The following IKZF3 variants were observed in gnomAD, a reference collection of about 807,000 sequenced individuals.
IKZF3 encodes the protein zinc finger protein Aiolos.
A neutral mutation model predicts 49.0 loss-of-function variants in IKZF3; 10 were observed. That is an observed-to-expected ratio of 0.20 (90% confidence interval 0.13 to 0.35). The LOEUF (loss-of-function observed/expected upper bound fraction) is 0.35. Among genes scored for constraint, IKZF3 ranks in the 10% least tolerant of loss-of-function variants. The pLI, the probability that IKZF3 is intolerant of heterozygous loss-of-function variation, is 1.00. For synonymous variants in IKZF3, 209 were observed against 228.2 expected, an observed-to-expected ratio of 0.92 and a Z score of 0.76; for missense variants, 498 against 664.8, an observed-to-expected ratio of 0.75 and a Z score of 2.76.
chr17:39,802,106 C>A (rs554413104), intron 3 of IKZF3, among the ~76,000 whole-genome samples: 2 of 151,410 alleles, frequency 1.3e-5, no homozygotes, highest in East Asian at 3.9e-4. Flanking sequence ...CCTGTAGTCC[C>A]AGCTACTCGG....
Position 39,784,018 on chromosome 17 carries a change from G to T in IKZF3, c.709+4240C>A, listed in dbSNP as rs1051686945. 1.2e-3 allele frequency among the ~76,000 whole-genome samples: 177 copies of T among 152,290 alleles called. 1 individual carries two copies. Among genetic ancestry groups the T allele is most frequent in the African/African-American group, 4.2e-3 (173 of 41,572 alleles). ...AACATTTTCTTTGGTCTGCTAAGTT[G>T]GTAAAAATGTAAGTTTATTCTGAAG... On this transcript the variant is annotated intron_variant, in intron 6 of 7. Coordinates refer to ENST00000346872, the MANE Select transcript of IKZF3 (RefSeq NM_012481.5).
intron 3 of IKZF3, among the ~76,000 whole-genome samples, chr17:39,824,949 C>T (rs571196140): frequency 1.3e-5 from 2 of 152,292 alleles, no homozygotes; most frequent in East Asian, 3.9e-4. Flanking sequence ...CCCGCCTCGG[C>T]CTCCCAAAGA....
intron 6 of IKZF3, among the ~76,000 whole-genome samples, chr17:39,779,648 T>TG (rs1555627934): frequency 6.9e-6 from 1 of 145,630 alleles, no homozygotes; most frequent in African/African-American, 2.6e-5. Flanking sequence ...TATTCTTTGT[T>TG]TTTTGTTTTT....
chr17:39,766,576 GGGA>G, intron 7 of IKZF3, 83 bp from the exon 8 acceptor site: 2 of 1,196,990 alleles, frequency 1.7e-6, no homozygotes, highest in Non-Finnish European at 2.3e-6. Flanking sequence ...ACCTCAAAAA[GGGA>G]GGAGAGTTAA....
chr17:39,840,826 G>A (rs547220056), intron 1 of IKZF3, among the ~76,000 whole-genome samples: 1 of 152,250 alleles, frequency 6.6e-6, no homozygotes. Context: ...GTGGGCTGCT[G>A]GAGACCAGCC....
intron 3 of IKZF3, among the ~76,000 whole-genome samples, chr17:39,801,944 T>C (rs940564789): frequency 1.3e-5 from 2 of 152,176 alleles, no homozygotes; most frequent in African/African-American, 4.8e-5. Context: ...GATGAAATAC[T>C]GGCAGGGCGC....
At chr17:39,835,661 C>T (rs540733061) in intron 1 of IKZF3, 15 of 436,648 alleles carry the variant, frequency 3.4e-5, no homozygotes, top group South Asian at 1.6e-4. Context: ...AGCTGTTATG[C>T]GTGGACAGCC....
At chr17:39,853,462 T>C (rs1347225553) in intron 1 of IKZF3, among the ~76,000 whole-genome samples, 1 of 152,144 alleles carries the variant, frequency 6.6e-6, no homozygotes, top group Non-Finnish European at 1.5e-5. Flanking sequence ...ACTGATGCAA[T>C]GTATGCTATC....
intron 6 of IKZF3, among the ~76,000 whole-genome samples, chr17:39,783,850 A>G (rs1188119329): frequency 6.6e-6 from 1 of 151,764 alleles, no homozygotes; most frequent in Non-Finnish European, 1.5e-5. Flanking sequence ...AATTGCTTGA[A>G]CCCAGAAGGC....
intron 3 of IKZF3, among the ~76,000 whole-genome samples, chr17:39,803,637 C>T (rs1000034861): frequency 4.0e-5 from 6 of 151,852 alleles, no homozygotes; most frequent in South Asian, 4.2e-4. Flanking sequence ...CCTCAGCCTC[C>T]GGAGTAGCTG....
intron 1 of IKZF3, among the ~76,000 whole-genome samples, chr17:39,863,409 C>T (rs2063268843): frequency 6.6e-6 from 1 of 151,972 alleles, no homozygotes; most frequent in Non-Finnish European, 1.5e-5. Context: ...TTCTTAATCC[C>T]ACCATCCCCC....
At chr17:39,781,485 C>G (rs1344025427) in intron 6 of IKZF3, among the ~76,000 whole-genome samples, 1 of 152,098 alleles carries the variant, frequency 6.6e-6, no homozygotes, top group Non-Finnish European at 1.5e-5. Context: ...GAATGTTTAC[C>G]TTTTATGCCC....
In IKZF3 at chr17:39,856,816, A is replaced by G. The variant is rs141153199; in HGVS notation, c.7+7304T>C. Among the ~76,000 whole-genome samples, 454 of 151,888 alleles carry G rather than the reference A, an allele frequency of 3.0e-3. 3 individuals are homozygous for G. The highest frequency in any genetic ancestry group is 4.7e-3 in the Non-Finnish European group (318 of 67,948). On this transcript the variant is annotated intron_variant, in intron 1 of 7. Coordinates refer to ENST00000346872, the MANE Select transcript of IKZF3 (RefSeq NM_012481.5). ...AGCGAGACTCCATCTCAAAATAATA[A>G]TAATAATAATAATAATTTTACATGA...
chr17:39,794,832 G>A (rs553858374), intron 3 of IKZF3, among the ~76,000 whole-genome samples: 77 of 152,248 alleles, frequency 5.1e-4, no homozygotes, highest in Non-Finnish European at 1.5e-4. Flanking sequence ...ATGCACCTGA[G>A]GCTTGTACTT....
At chr17:39,767,661 C>T (rs2060328066) in intron 7 of IKZF3, among the ~76,000 whole-genome samples, 1 of 152,086 alleles carries the variant, frequency 6.6e-6, no homozygotes, top group East Asian at 1.9e-4. Flanking sequence ...GAAAAAATGC[C>T]ATGAGAAAAC....
chr17:39,771,667 C>T (rs745512609), intron 7 of IKZF3, among the ~76,000 whole-genome samples: 4 of 152,128 alleles, frequency 2.6e-5, no homozygotes, highest in Admixed American at 6.5e-5. Flanking sequence ...CTAGTAAACT[C>T]GCCTGGAGTG....
Position 39,765,821 on chromosome 17 carries a change from G to C in IKZF3, c.1499C>G (p.Ala500Gly). The part of the protein sequence containing the change: ...HDRYEFSSHI[A>G]RGEHRALLK ...CAGCAGGGCTCTGTGTTCTCCTCTG[G>C]CTATGTGAGACGAGAACTCATACCG... The change falls in exon 8 of 8, where the codon GCC becomes GGC. Residue 500 changes from alanine to glycine, a missense_variant. Physicochemically the swap from Ala to Gly is moderately conservative, Grantham distance 60. Coordinates refer to ENST00000346872, the MANE Select transcript of IKZF3 (RefSeq NM_012481.5). The C allele has an allele frequency of 6.2e-7, 1 of 1,611,722 alleles. No individual in the cohort carries two copies. The highest frequency in any genetic ancestry group is 8.5e-7 in the Non-Finnish European group (1 of 1,178,182).
At chr17:39,770,909 G>A (rs752455842) in intron 7 of IKZF3, among the ~76,000 whole-genome samples, 2 of 151,552 alleles carry the variant, frequency 1.3e-5, no homozygotes, top group African/African-American at 4.9e-5. Context: ...GGGTTCAAGT[G>A]ATTCTCTTGC....
chr17:39,791,386 A>T, intron 5 of IKZF3, 30 bp downstream of exon 5: 1 of 1,610,120 alleles, frequency 6.2e-7, no homozygotes, highest in Non-Finnish European at 8.5e-7. Context: ...TGCACTTCCT[A>T]GACAAGGAAT....
Sources: allele counts gnomAD v4.1 joint callset (sites outside exome capture counted in the v4.1 genomes callset), GRCh38; gene constraint gnomAD v4.1.1; transcripts MANE v1.5; gene names NCBI Gene and HGNC (gene_info 2026-07-23, HGNC 2026-07-21).